The following LINGO2 variants were observed in gnomAD, a reference collection of about 807,000 sequenced individuals.
LINGO2 encodes the protein leucine-rich repeat and immunoglobulin-like domain-containing nogo receptor-interacting protein 2.
LINGO2 carries 14 observed loss-of-function variants against 30.6 expected under a neutral mutation model. That is an observed-to-expected ratio of 0.46 (90% CI 0.30 to 0.72). The LOEUF (loss-of-function observed/expected upper bound fraction) is 0.72, where lower values mean the gene tolerates loss of function less well. Among genes scored for constraint, LINGO2 ranks in the 30% least tolerant of loss-of-function variants. LINGO2 has a pLI of 0.07. For synonymous variants in LINGO2, 317 were observed against 288.5 expected (o/e 1.10, Z -1.00); for missense variants, 729 against 751.7 (o/e 0.97, Z 0.35).
chr9:28,473,853 C>T (rs559946072), intron 2 of LINGO2, among the ~76,000 whole-genome samples: 2 of 152,150 alleles, frequency 1.3e-5, no homozygotes, highest in East Asian at 3.9e-4. Context: ...TGTCATCTTT[C>T]TCTGGGCCCT....
intron 1 of LINGO2, among the ~76,000 whole-genome samples, chr9:28,618,156 A>T (rs1826224638): frequency 6.6e-6 from 1 of 152,124 alleles, no homozygotes; most frequent in Non-Finnish European, 1.5e-5. Flanking sequence ...ATCTTGGGCA[A>T]ATTAGTGATT....
the LINGO2 span, chr9:27,938,963 T>C: frequency 1.3e-5 from 2 of 152,270 alleles, no homozygotes; most frequent in Admixed American, 1.3e-4. Flanking sequence ...AAGGACCGAG[T>C]AGATTCCTGA....
chr9:28,280,945 A>C (rs1407314298), intron 4 of LINGO2, among the ~76,000 whole-genome samples: 1 of 152,136 alleles, frequency 6.6e-6, no homozygotes, highest in Admixed American at 6.5e-5. Flanking sequence ...AACAACCCTA[A>C]CACCTGTTTG....
At chr9:28,495,926 C>G (rs886710283) in intron 1 of LINGO2, among the ~76,000 whole-genome samples, 2 of 152,108 alleles carry the variant, frequency 1.3e-5, no homozygotes, top group African/African-American at 4.8e-5. Flanking sequence ...ACCCAGTAGT[C>G]ATTCAGGAGC....
At chr9:27,954,095 G>T (rs569611708) in intron 5 of LINGO2, among the ~76,000 whole-genome samples, 1 of 152,038 alleles carries the variant, frequency 6.6e-6, no homozygotes, top group Non-Finnish European at 1.5e-5. Context: ...ATATTTGTAC[G>T]TATTTATGTA....
chr9:28,814,758 G>A, the LINGO2 span, among the ~76,000 whole-genome samples: 12 of 152,088 alleles, frequency 7.9e-5, no homozygotes, highest in East Asian at 2.3e-3. Flanking sequence ...CATGGTGGCA[G>A]GCACCTGTAA....
the LINGO2 span, among the ~76,000 whole-genome samples, chr9:29,093,334 T>G: frequency 1.5e-5 from 2 of 133,392 alleles, no homozygotes; most frequent in African/African-American, 5.6e-5. Context: ...CTGATTAAGA[T>G]GCCAACATCA....
the LINGO2 span, among the ~76,000 whole-genome samples, chr9:29,169,769 C>A: frequency 3.3e-5 from 5 of 152,178 alleles, no homozygotes; most frequent in East Asian, 9.7e-4. Context: ...TTGGGAAGCC[C>A]AGACAGCAGA....
intron 3 of LINGO2, among the ~76,000 whole-genome samples, chr9:28,355,322 TC>T (rs1253894119): frequency 7.4e-6 from 1 of 135,676 alleles, no homozygotes; most frequent in African/African-American, 2.7e-5. Context: ...TCTCTCTCTC[TC>T]TCTGTCTCTG....
intron 2 of LINGO2, among the ~76,000 whole-genome samples, chr9:28,381,027 C>T (rs1821333511): frequency 6.6e-6 from 1 of 151,966 alleles, no homozygotes; most frequent in South Asian, 2.1e-4. Flanking sequence ...CAGTAAACAC[C>T]ATTTTGATTT....
chr9:27,997,878 T>C (rs1821746189), intron 5 of LINGO2, among the ~76,000 whole-genome samples: 1 of 139,616 alleles, frequency 7.2e-6, no homozygotes, highest in African/African-American at 2.7e-5. Context: ...GCAGGTGTTA[T>C]CCGTTTCAAA....
chr9:28,912,189 T>A, the LINGO2 span, among the ~76,000 whole-genome samples: 2 of 152,090 alleles, frequency 1.3e-5, no homozygotes, highest in African/African-American at 2.4e-5. Context: ...AATTTATCAA[T>A]AAAGCTAAAA....
the LINGO2 span, among the ~76,000 whole-genome samples, chr9:29,007,015 T>A: frequency 6.6e-6 from 1 of 152,172 alleles, no homozygotes; most frequent in South Asian, 2.1e-4. Context: ...GGTTATACTC[T>A]CTGTAAATGA....
At position 28,221,344 on chromosome 9, in the gene LINGO2, A is replaced by AAGTG. The variant is rs1820960985; in HGVS notation, c.-87+73860_-87+73863dup. Among the ~76,000 whole-genome samples, 3 of 149,126 alleles carry AAGTG rather than the reference A, an allele frequency of 2.0e-5. No individual in the cohort carries two copies. In the South Asian group the frequency reaches 6.3e-4, roughly 32 times the overall value. ...AAAAAAAGCAAAGATAGAGGAGATT[A>AAGTG]AGTGTTCTCACCACAAAAATGATAA... On this transcript the variant is annotated intron_variant, in intron 4 of 5. Transcript: ENST00000379992.
intron 5 of LINGO2, among the ~76,000 whole-genome samples, chr9:28,006,425 T>C (rs1318655050): frequency 2.0e-5 from 3 of 152,104 alleles, no homozygotes; most frequent in South Asian, 4.1e-4. Flanking sequence ...ATTGAAATAA[T>C]TTATACAGCT....
At chr9:28,872,436 G>A in the LINGO2 span, among the ~76,000 whole-genome samples, 3 of 152,010 alleles carry the variant, frequency 2.0e-5, no homozygotes, top group Non-Finnish European at 4.4e-5. Flanking sequence ...CTATAATGGG[G>A]CAAAATTAAA....
chr9:28,954,289 C>T, the LINGO2 span, among the ~76,000 whole-genome samples: 1 of 152,132 alleles, frequency 6.6e-6, no homozygotes, highest in South Asian at 2.1e-4. Context: ...GTTCAGTGTG[C>T]AACTCAATTA....
At chr9:28,968,957 G>A in the LINGO2 span, among the ~76,000 whole-genome samples, 2 of 152,142 alleles carry the variant, frequency 1.3e-5, no homozygotes, top group South Asian at 4.1e-4. Flanking sequence ...ATTCTTATCA[G>A]AAGTCAGAAA....
the LINGO2 span, among the ~76,000 whole-genome samples, chr9:28,780,110 T>C: frequency 1.3e-5 from 2 of 152,164 alleles, no homozygotes; most frequent in African/African-American, 2.4e-5. Context: ...TGTACAGATT[T>C]TAATAAAAAA....
Sources: allele counts gnomAD v4.1 joint callset (sites outside exome capture counted in the v4.1 genomes callset), GRCh38; gene constraint gnomAD v4.1.1; transcripts MANE v1.5; gene names NCBI Gene and HGNC (gene_info 2026-07-23, HGNC 2026-07-21).